Variants in ERC2 observed in about 807,000 individuals in gnomAD.
ERC2 encodes the protein ERC protein 2.
Under a neutral mutation model 114.8 loss-of-function variants are expected in ERC2, and 42 were observed. That is an observed-to-expected ratio of 0.37 (90% CI 0.29 to 0.47). The LOEUF (loss-of-function observed/expected upper bound fraction) is 0.47. Among genes scored for constraint, ERC2 ranks in the 20% least tolerant of loss-of-function variants. The pLI is 0.99. For missense variants in ERC2, 939 were observed against 1,150.7 expected, an observed-to-expected ratio of 0.82 and a Z score of 2.66; for synonymous variants, 454 against 425.5, an observed-to-expected ratio of 1.07 and a Z score of -0.82.
chr3:56,217,714 C>A (rs568625225), intron 3 of ERC2, among the ~76,000 whole-genome samples: 13 of 152,244 alleles, frequency 8.5e-5, no homozygotes, highest in African/African-American at 3.1e-4. Flanking sequence ...AAGCTGGAGG[C>A]ATCACGCTAC....
intron 2 of ERC2, among the ~76,000 whole-genome samples, chr3:56,318,234 T>C (rs1044001834): frequency 3.3e-5 from 5 of 152,186 alleles, no homozygotes; most frequent in African/African-American, 1.2e-4. Context: ...TCACCCAGGG[T>C]GAAGTGCAGT....
At chr3:56,256,019 T>C (rs1223472818) in intron 3 of ERC2, among the ~76,000 whole-genome samples, 1 of 152,220 alleles carries the variant, frequency 6.6e-6, no homozygotes, top group East Asian at 1.9e-4. Context: ...GTTCCCTCAA[T>C]GTGGATCTTC....
intron 6 of ERC2, among the ~76,000 whole-genome samples, chr3:56,110,602 AT>A (rs1196544617): frequency 6.6e-6 from 1 of 152,198 alleles, no homozygotes; most frequent in African/African-American, 2.4e-5. Context: ...CATGGAAAGA[AT>A]TTTTTAAATT....
chr3:55,883,165 T>C, intron 14 of ERC2, among the ~76,000 whole-genome samples: 1 of 152,208 alleles, frequency 6.6e-6, no homozygotes, highest in East Asian at 1.9e-4. Flanking sequence ...CAAATACTTT[T>C]TGAGTGCCTA....
chr3:56,338,957 T>C (rs1432991036), intron 2 of ERC2, among the ~76,000 whole-genome samples: 1 of 152,170 alleles, frequency 6.6e-6, no homozygotes, highest in African/African-American at 2.4e-5. Flanking sequence ...GACAAGTGCC[T>C]GAGAATGGTG....
intron 14 of ERC2, among the ~76,000 whole-genome samples, chr3:55,831,172 C>G (rs1307821142): frequency 1.3e-5 from 2 of 148,610 alleles, no homozygotes; most frequent in South Asian, 4.3e-4. Context: ...ATTAGCCAGG[C>G]AGGGTGGCAC....
At chr3:56,051,826 A>AACACACACAC (rs370057271) in intron 7 of ERC2, among the ~76,000 whole-genome samples, 7 of 130,118 alleles carry the variant, frequency 5.4e-5, no homozygotes, top group East Asian at 2.3e-4. Flanking sequence ...CTCCATCTCA[A>AACACACACAC]ACACACACAC....
At chr3:56,253,925 C>T (rs925506108) in intron 3 of ERC2, among the ~76,000 whole-genome samples, 4 of 152,184 alleles carry the variant, frequency 2.6e-5, no homozygotes, top group Non-Finnish European at 5.9e-5. Flanking sequence ...ATAAAAATTT[C>T]CCAAACTCAA....
At chr3:55,800,049 A>T (rs1293362907) in intron 14 of ERC2, among the ~76,000 whole-genome samples, 1 of 152,158 alleles carries the variant, frequency 6.6e-6, no homozygotes, top group Non-Finnish European at 1.5e-5. Context: ...GGAAGATGGA[A>T]ATGTGATTAC....
intron 2 of ERC2, among the ~76,000 whole-genome samples, chr3:56,297,512 G>A (rs970518736): frequency 3.3e-5 from 5 of 152,222 alleles, no homozygotes; most frequent in African/African-American, 1.2e-4. Context: ...ACCCGTGCTT[G>A]AAGATAGTTG....
At chr3:55,869,834 A>C (rs1278856102) in intron 14 of ERC2, among the ~76,000 whole-genome samples, 1 of 152,174 alleles carries the variant, frequency 6.6e-6, no homozygotes, top group Non-Finnish European at 1.5e-5. Flanking sequence ...AGAATGCACA[A>C]TATCCAAAGG....
intron 12 of ERC2, among the ~76,000 whole-genome samples, chr3:55,976,655 G>C (rs938542333): frequency 1.3e-5 from 2 of 152,106 alleles, no homozygotes. Context: ...GAAACTACGT[G>C]AACTTAGACA....
chr3:56,186,114 T>TAAAAAAAAAAAAAAAAAAAA (rs201544979), intron 3 of ERC2, among the ~76,000 whole-genome samples: 51 of 102,534 alleles, frequency 5.0e-4, no homozygotes, highest in East Asian at 7.5e-4. Context: ...TCAAGAACCT[T>TAAAAAAAAAAAAAAAAAAAA]AAAAAAAAAA....
At chr3:55,912,271 A>G (rs1467697412) in intron 13 of ERC2, among the ~76,000 whole-genome samples, 1 of 152,168 alleles carries the variant, frequency 6.6e-6, no homozygotes, top group African/African-American at 2.4e-5. Flanking sequence ...CTACAATGAT[A>G]CTTGATGGTT....
chr3:56,111,155 A>T (rs1408414363), intron 6 of ERC2, among the ~76,000 whole-genome samples: 2 of 152,088 alleles, frequency 1.3e-5, no homozygotes, highest in African/African-American at 2.4e-5. Flanking sequence ...GTGTTCTATG[A>T]ACTCAAATCC....
At chr3:55,785,907 G>A (rs1420501674) in intron 14 of ERC2, among the ~76,000 whole-genome samples, 3 of 152,182 alleles carry the variant, frequency 2.0e-5, no homozygotes, top group Non-Finnish European at 4.4e-5. Flanking sequence ...CCAACTCGGT[G>A]GTTACAGGGA....
At chr3:55,921,135 C>T (rs112137225) in intron 13 of ERC2, among the ~76,000 whole-genome samples, 31 of 152,236 alleles carry the variant, frequency 2.0e-4, no homozygotes, top group African/African-American at 7.2e-4. Flanking sequence ...TTATTAACTA[C>T]ATGGTTCATA....
At chr3:55,795,198 G>A (rs567123267) in intron 14 of ERC2, among the ~76,000 whole-genome samples, 17 of 152,142 alleles carry the variant, frequency 1.1e-4, no homozygotes, top group Middle Eastern at 3.4e-3. Context: ...GGGACAAACC[G>A]GAAAGATCCC....
intron 6 of ERC2, among the ~76,000 whole-genome samples, chr3:56,139,037 A>G (rs536061749): frequency 6.6e-6 from 1 of 152,224 alleles, no homozygotes; most frequent in Admixed American, 6.5e-5. Context: ...ACCCATACAG[A>G]GGATGCACAG....
Sources: gnomAD v4.1 joint callset for allele counts (sites outside exome capture counted in the v4.1 genomes callset) on GRCh38, gnomAD v4.1.1 for gene constraint, MANE v1.5 for transcripts, NCBI Gene and HGNC (gene_info 2026-07-23, HGNC 2026-07-21) for gene names.